KIRREL3: variants seen among roughly 807,000 people sequenced by gnomAD.
The protein encoded by KIRREL3 is kin of IRRE-like protein 3.
In KIRREL3, 36 loss-of-function variants were observed where a neutral mutation model predicts 89.7. The ratio of observed to expected loss-of-function variants is 0.40; its 90% CI spans 0.31 to 0.53. The LOEUF is 0.53. KIRREL3 is among the 20% of genes least tolerant of loss of function. The pLI, the probability that KIRREL3 is intolerant of heterozygous loss-of-function variation, is 0.49. For missense variants in KIRREL3, 864 were observed against 1,056.6 expected (o/e 0.82, Z 2.53); for synonymous variants, 445 against 441.4 (o/e 1.01, Z -0.10).
In KIRREL3 at chr11:126,606,262, TTA is replaced by T. The variant is rs1451370502; in HGVS notation, c.56-43352_56-43351del. Among the ~76,000 whole-genome samples the T allele has an allele frequency of 6.6e-6, 1 of 152,142 alleles. No homozygotes were observed. The highest frequency in any genetic ancestry group is 1.5e-5 in the Non-Finnish European group (1 of 68,028). On this transcript the variant is annotated intron_variant, in intron 1 of 16. Transcript: ENST00000525144. The surrounding 1 kb of genome is among the most constrained non-coding windows in gnomAD (Gnocchi z 4.6). ...ATGAAGGCACAGTTTAGTATGGTGT[TTA>T]TGAGAGTGGATCTGGAGTGTGGGTT...
At chr11:126,939,668 T>C in intron 1 of KIRREL3, among the ~76,000 whole-genome samples, 1 of 152,124 alleles carries the variant, frequency 6.6e-6, no homozygotes, top group East Asian at 1.9e-4. Context: ...GGAGCAAGCA[T>C]CTCCCCTTCC....
rs146658083 is a variant in KIRREL3 at position 126,714,294 on chromosome 11, C to G, written c.56-151382G>C. Among the ~76,000 whole-genome samples, 391 of 152,338 alleles carry G rather than the reference C, an allele frequency of 2.6e-3. 3 individuals are homozygous for G. Among genetic ancestry groups the G allele is most frequent in the African/African-American group, 9.0e-3 (374 of 41,570 alleles). Reference sequence around the variant, plus strand: ...AGCTTAACGTATTTACTCTCTGGCTCTTTGTAGAAGCATGTAGACCCCTGG... The same window carrying G: ...AGCTTAACGTATTTACTCTCTGGCTGTTTGTAGAAGCATGTAGACCCCTGG... On this transcript the variant is annotated intron_variant, in intron 1 of 16. Transcript: ENST00000525144.
chr11:126,837,245 C>G lies in KIRREL3; in HGVS notation c.55+163210G>C, dbSNP rs985640517. Among the ~76,000 whole-genome samples, 1 of 152,114 alleles carries G rather than the reference C, an allele frequency of 6.6e-6. No individual in the cohort carries two copies. The highest frequency in any genetic ancestry group is 1.9e-4 in the East Asian group (1 of 5,190). ...AGGTTTAATAAAACCAGCCTTAGAA[C>G]CCTGAGGGAGACAATACATGTAAGA... On this transcript the variant is annotated intron_variant, in intron 1 of 16. Transcript: ENST00000525144. The surrounding 1 kb of genome is among the most constrained non-coding windows in gnomAD (Gnocchi z 4.7).
chr11:126,672,636 G>A (rs1158561262), intron 1 of KIRREL3, among the ~76,000 whole-genome samples: 3 of 152,192 alleles, frequency 2.0e-5, no homozygotes, highest in African/African-American at 7.2e-5. Context: ...ATACTGTAAT[G>A]GTGGTAGGGT....
rs181585364 is a variant in KIRREL3, at chr11:126,560,415, A to G, written c.133+2420T>C. On this transcript the variant is annotated intron_variant, in intron 2 of 16. Transcript: ENST00000525144. The stretch of plus-strand genomic sequence containing the variant: ...CATTGACTATCACGTGCCTCCTTAA[A>G]TGATCTTTGAATAGCATTTTCTTTT... 1.6e-3 allele frequency among the ~76,000 whole-genome samples: 238 copies of G among 152,318 alleles called. 2 individuals carry two copies. The highest frequency in any genetic ancestry group is 1.3e-4 in the Non-Finnish European group (9 of 68,026).
At chr11:126,524,595 G>A (rs1021257594) in intron 3 of KIRREL3, among the ~76,000 whole-genome samples, 6 of 152,320 alleles carry the variant, frequency 3.9e-5, no homozygotes, top group East Asian at 1.9e-4. Context: ...ATGAAGAAGT[G>A]CATTTATAAA....
intron 1 of KIRREL3, among the ~76,000 whole-genome samples, chr11:126,690,484 G>T (rs1722959745): frequency 6.6e-6 from 1 of 151,936 alleles, no homozygotes; most frequent in Non-Finnish European, 1.5e-5. Flanking sequence ...AACCTAGAAG[G>T]GCTCTGGTTG....
At chr11:126,472,931 C>A (rs1956940394) in intron 5 of KIRREL3, among the ~76,000 whole-genome samples, 1 of 94,876 alleles carries the variant, frequency 1.1e-5, no homozygotes, top group Admixed American at 1.3e-4. Flanking sequence ...CCCCCATTAT[C>A]CCCCCTCTAC....
Position 126,431,189 on chromosome 11 carries a change from T to A in KIRREL3, c.1696+230A>T. 3.4e-6 allele frequency: 5 copies of A among 1,462,930 alleles called. No homozygotes were observed. Among genetic ancestry groups the A allele is most frequent in the Non-Finnish European group, 4.5e-6 (5 of 1,105,322 alleles). The allele number at this position is 1,462,930 out of a possible 1,614,324, so 90.6% of individuals were successfully genotyped here. On this transcript the variant is annotated intron_variant, in intron 14 of 16. Coordinates refer to ENST00000525144, the MANE Select transcript of KIRREL3 (RefSeq NM_032531.4). The surrounding 1 kb of genome is among the most constrained non-coding windows in gnomAD (Gnocchi z 7.1). ...TCCAAAATGCTGGCTGCCCTGCAGATGAAGTTCAGTCTAGTCCAGGTCAAC... is the reference window on the plus strand; with the variant it reads ...TCCAAAATGCTGGCTGCCCTGCAGAAGAAGTTCAGTCTAGTCCAGGTCAAC...
In KIRREL3 at chr11:126,883,437, T is replaced by C. The variant is rs1452272230; in HGVS notation, c.55+117018A>G. ...TGTTCCAGGCACACGGGACTTTGCA[T>C]TACTTCCAAAGGTCATGGTCACCGT... On this transcript the variant is annotated intron_variant, in intron 1 of 16. Transcript: ENST00000525144. The surrounding 1 kb of genome is among the most constrained non-coding windows in gnomAD (Gnocchi z 4.1). 6.6e-6 allele frequency among the ~76,000 whole-genome samples: 1 copy of C among 152,136 alleles called. No homozygotes were observed. The highest frequency in any genetic ancestry group is 1.5e-5 in the Non-Finnish European group (1 of 68,022).
rs779323709 is a variant in KIRREL3, at chr11:126,498,968, C to T, written c.433+22347G>A. Among the ~76,000 whole-genome samples, 15 of 152,032 alleles carry T rather than the reference C, an allele frequency of 9.9e-5. No individual in the cohort carries two copies. The highest frequency in any genetic ancestry group is 1.9e-4 in the Non-Finnish European group (13 of 68,000). On this transcript the variant is annotated intron_variant, in intron 4 of 16. Transcript: ENST00000525144. This position sits in a 1 kb window ranked among gnomAD's most constrained non-coding sequence, Gnocchi z 4.3. ...TCACCTGAGGTCATGAGTTTGAGAC[C>T]AGCTTGGGCAACATGGCCAGCATTT... is the stretch of plus-strand genomic sequence containing the variant.
chr11:126,870,008 T>C lies in KIRREL3; in HGVS notation c.55+130447A>G, dbSNP rs184799896. Among the ~76,000 whole-genome samples the C allele has an allele frequency of 1.3e-5, 2 of 152,328 alleles. No individual in the cohort carries two copies. ...CTTTCAAATGGTCTCACAAATGTCC[T>C]TTCCACAATTCATTTCAAATGCCCC... On this transcript the variant is annotated intron_variant, in intron 1 of 16. Transcript: ENST00000525144. This position sits in a 1 kb window ranked among gnomAD's most constrained non-coding sequence, Gnocchi z 4.4.
rs962094643 is a variant in KIRREL3, at chr11:126,563,673, G to A, written c.56-761C>T. On this transcript the variant is annotated intron_variant, in intron 1 of 16. Coordinates refer to ENST00000525144, the MANE Select transcript of KIRREL3 (RefSeq NM_032531.4). This position sits in a 1 kb window ranked among gnomAD's most constrained non-coding sequence, Gnocchi z 6.8. ...CAAGATGGAATAACAATTCCAGGTA[G>A]CAAATGCAAGAGATAACTTTTTTAT... Among the ~76,000 whole-genome samples the A allele has an allele frequency of 6.6e-6, 1 of 152,198 alleles. No homozygotes were observed. The highest frequency in any genetic ancestry group is 1.5e-5 in the Non-Finnish European group (1 of 68,032).
rs115615324 is a variant in KIRREL3 at position 126,917,637 on chromosome 11, A to G, written c.55+82818T>C. ...GATCACCTGGTGCAATCTGGTTTCT[A>G]GTATGAGTTGCTTCCACTCATACTA... On this transcript the variant is annotated intron_variant, in intron 1 of 16. Transcript: ENST00000525144. This position sits in a 1 kb window ranked among gnomAD's most constrained non-coding sequence, Gnocchi z 5.0. Among the ~76,000 whole-genome samples, 993 of 152,272 alleles carry G rather than the reference A, an allele frequency of 6.5e-3. 8 individuals are homozygous for G. Among genetic ancestry groups the G allele is most frequent in the African/African-American group, 0.023 (935 of 41,548 alleles).
chr11:126,844,550 A>G lies in KIRREL3; in HGVS notation c.55+155905T>C, dbSNP rs969494173. On this transcript the variant is annotated intron_variant, in intron 1 of 16. Coordinates refer to ENST00000525144, the MANE Select transcript of KIRREL3 (RefSeq NM_032531.4). The surrounding 1 kb of genome is among the most constrained non-coding windows in gnomAD (Gnocchi z 4.8). ...TAGGGCAGTTGGAGTCTCTCCTAAG[A>G]CAGAAACCATTAAAGGCTCCTCTCC... Among the ~76,000 whole-genome samples the G allele has an allele frequency of 5.3e-5, 8 of 152,212 alleles. No individual in the cohort carries two copies. The highest frequency in any genetic ancestry group is 3.4e-3 in the Middle Eastern group (1 of 294).
At chr11:126,839,397 T>C (rs1374322371) in intron 1 of KIRREL3, among the ~76,000 whole-genome samples, 2 of 152,108 alleles carry the variant, frequency 1.3e-5, no homozygotes, top group East Asian at 3.9e-4. Context: ...AATATAAATG[T>C]AAGGTTGGCA....
intron 1 of KIRREL3, among the ~76,000 whole-genome samples, chr11:126,998,211 C>G (rs1489878109): frequency 6.6e-6 from 1 of 152,206 alleles, no homozygotes; most frequent in African/African-American, 2.4e-5. Flanking sequence ...ATTCATAATG[C>G]TCAAAACAAC....
At position 126,498,758 on chromosome 11, in the gene KIRREL3, T is replaced by C. The variant is rs1957756326; in HGVS notation, c.433+22557A>G. ...TGCTTCCTGGGAGGAGCACCTTCCC[T>C]TCTGCACCTAAGGTTGAGTCCCCCT... On this transcript the variant is annotated intron_variant, in intron 4 of 16. Coordinates refer to ENST00000525144, the MANE Select transcript of KIRREL3 (RefSeq NM_032531.4). This position sits in a 1 kb window ranked among gnomAD's most constrained non-coding sequence, Gnocchi z 4.3. Among the ~76,000 whole-genome samples the C allele has an allele frequency of 6.6e-6, 1 of 152,186 alleles. No individual in the cohort carries two copies. Among genetic ancestry groups the C allele is most frequent in the Admixed American group, 6.5e-5 (1 of 15,280 alleles).
At chr11:126,833,974 C>A (rs952348798) in intron 1 of KIRREL3, among the ~76,000 whole-genome samples, 1 of 152,236 alleles carries the variant, frequency 6.6e-6, no homozygotes, top group African/African-American at 2.4e-5. Context: ...CTTGCAACTT[C>A]TGTTGCTCTC....
Sources: allele counts gnomAD v4.1 joint callset (sites outside exome capture counted in the v4.1 genomes callset), GRCh38; gene constraint gnomAD v4.1.1; non-coding constraint Gnocchi (gnomAD v3.1); transcripts MANE v1.5; gene names NCBI Gene and HGNC (gene_info 2026-07-23, HGNC 2026-07-21).